The following DSCAM variants were observed in gnomAD, a reference collection of about 807,000 sequenced individuals.
DSCAM encodes DS cell adhesion molecule, also known as cell adhesion molecule DSCAM.
A neutral mutation model predicts 217.7 loss-of-function variants in DSCAM; 47 were observed. The observed-to-expected ratio is 0.22, with a 90% CI of 0.17 to 0.28. The LOEUF is 0.28. DSCAM is among the 10% of genes least tolerant of loss of function. DSCAM has a pLI of 1.00. For missense variants in DSCAM, 2,080 were observed against 2,618.3 expected (o/e 0.79, Z 4.49); for synonymous variants, 1,056 against 1,015.3 (o/e 1.04, Z -0.76).
chr21:40,139,252 C>A (rs976518695), intron 18 of DSCAM, among the ~76,000 whole-genome samples: 2 of 151,708 alleles, frequency 1.3e-5, no homozygotes, highest in Admixed American at 1.3e-4. Flanking sequence ...GAGGACGTAC[C>A]CACAACACAG....
At chr21:40,395,004 T>C (rs2075165925) in intron 3 of DSCAM, among the ~76,000 whole-genome samples, 1 of 152,232 alleles carries the variant, frequency 6.6e-6, no homozygotes, top group Non-Finnish European at 1.5e-5. Context: ...AATTTTTACA[T>C]GGTTAATTTG....
At chr21:40,256,404 C>CGG (rs752646732) in intron 11 of DSCAM, among the ~76,000 whole-genome samples, 1 of 147,714 alleles carries the variant, frequency 6.8e-6, no homozygotes, top group African/African-American at 2.5e-5. Flanking sequence ...GAGAGACAGA[C>CGG]AGAGAGAGAG....
chr21:40,457,250 A>T (rs1486371253), intron 3 of DSCAM, among the ~76,000 whole-genome samples: 1 of 152,188 alleles, frequency 6.6e-6, no homozygotes, highest in Non-Finnish European at 1.5e-5. Context: ...GGTAGCTCAC[A>T]CCTGTAACCT....
chr21:40,579,826 C>A (rs989469097), intron 3 of DSCAM, among the ~76,000 whole-genome samples: 2 of 115,020 alleles, frequency 1.7e-5, no homozygotes, highest in Non-Finnish European at 3.9e-5. Flanking sequence ...CAGACCTTCA[C>A]CACAAAAAAA....
At chr21:40,539,318 CCGT>C (rs199779887) in intron 3 of DSCAM, among the ~76,000 whole-genome samples, 5,103 of 151,900 alleles carry the variant, frequency 0.034, 287 homozygotes, top group African/African-American at 0.12. Flanking sequence ...TGGTGCAACG[CCGT>C]CGTCTCTACT....
chr21:40,806,841 T>C (rs961406118), intron 1 of DSCAM, among the ~76,000 whole-genome samples: 1 of 152,162 alleles, frequency 6.6e-6, no homozygotes, highest in African/African-American at 2.4e-5. Flanking sequence ...ACCATCATTC[T>C]CAGTAAACTA....
chr21:40,542,237 A>AT (rs1386302589), intron 3 of DSCAM, among the ~76,000 whole-genome samples: 2 of 152,218 alleles, frequency 1.3e-5, no homozygotes, highest in Non-Finnish European at 2.9e-5. Context: ...CTATCTATAC[A>AT]TATCGTTGGG....
chr21:40,774,936 A>G (rs2091475348), intron 1 of DSCAM, among the ~76,000 whole-genome samples: 1 of 151,670 alleles, frequency 6.6e-6, no homozygotes, highest in Admixed American at 6.6e-5. Flanking sequence ...CATGGAGACT[A>G]AGGAATGAAA....
intron 16 of DSCAM, among the ~76,000 whole-genome samples, chr21:40,151,287 G>A (rs2090420845): frequency 6.6e-6 from 1 of 151,940 alleles, no homozygotes; most frequent in African/African-American, 2.4e-5. Context: ...CTGCAGGCCA[G>A]CTCAGCTTCC....
At chr21:40,522,577 CTG>C (rs1381586549) in intron 3 of DSCAM, among the ~76,000 whole-genome samples, 1 of 152,164 alleles carries the variant, frequency 6.6e-6, no homozygotes, top group Non-Finnish European at 1.5e-5. Flanking sequence ...GAGTTCTACT[CTG>C]TGAGTCCTTT....
At chr21:40,156,954 G>T (rs1309060242) in intron 16 of DSCAM, among the ~76,000 whole-genome samples, 2 of 152,138 alleles carry the variant, frequency 1.3e-5, no homozygotes, top group Admixed American at 1.3e-4. Flanking sequence ...GTTGGATGTG[G>T]CTCCCTCTCG....
chr21:40,288,644 C>A (rs1322300244), intron 10 of DSCAM, among the ~76,000 whole-genome samples: 1 of 152,096 alleles, frequency 6.6e-6, no homozygotes, highest in Non-Finnish European at 1.5e-5. Context: ...AATAAGGTAT[C>A]GCAAATGAAA....
chr21:40,413,457 A>G (rs943407781), intron 3 of DSCAM, among the ~76,000 whole-genome samples: 1 of 152,212 alleles, frequency 6.6e-6, no homozygotes, highest in Non-Finnish European at 1.5e-5. Context: ...CATGGAGTCA[A>G]AGGAGATCAT....
intron 11 of DSCAM, among the ~76,000 whole-genome samples, chr21:40,230,308 T>A (rs1209157431): frequency 6.6e-6 from 1 of 152,222 alleles, no homozygotes; most frequent in Non-Finnish European, 1.5e-5. Context: ...AGTGAAGCAA[T>A]CTGAACATTG....
At chr21:40,546,697 T>C (rs577658072) in intron 3 of DSCAM, among the ~76,000 whole-genome samples, 2 of 152,304 alleles carry the variant, frequency 1.3e-5, no homozygotes, top group South Asian at 4.1e-4. Flanking sequence ...AAAAATAAAA[T>C]ACAAATAAGT....
At chr21:40,715,263 C>T (rs906599536) in intron 1 of DSCAM, among the ~76,000 whole-genome samples, 2 of 152,184 alleles carry the variant, frequency 1.3e-5, no homozygotes, top group Non-Finnish European at 2.9e-5. Context: ...GCCTTTATTC[C>T]GGAAAGTCAG....
intron 14 of DSCAM, among the ~76,000 whole-genome samples, chr21:40,179,453 A>G (rs2090774792): frequency 2.0e-5 from 3 of 152,134 alleles, no homozygotes; most frequent in African/African-American, 7.2e-5. Context: ...GGAATGGACG[A>G]TGGCCACTGT....
intron 3 of DSCAM, among the ~76,000 whole-genome samples, chr21:40,508,751 A>T (rs2076230084): frequency 2.6e-4 from 1 of 3,866 alleles, no homozygotes; most frequent in African/African-American, 5.9e-4. Flanking sequence ...ATATATATAT[A>T]TATATATATA....
At chr21:40,657,230 G>C (rs1420849806) in intron 3 of DSCAM, among the ~76,000 whole-genome samples, 1 of 152,154 alleles carries the variant, frequency 6.6e-6, no homozygotes, top group Non-Finnish European at 1.5e-5. Flanking sequence ...GTGTGTTGAA[G>C]CCTAGAGAGG....
Sources: gnomAD v4.1 joint callset for allele counts (sites outside exome capture counted in the v4.1 genomes callset) on GRCh38, gnomAD v4.1.1 for gene constraint, MANE v1.5 for transcripts, NCBI Gene and HGNC (gene_info 2026-07-23, HGNC 2026-07-21) for gene names.